Variants in ZNF787 observed in about 807,000 individuals in gnomAD.
ZNF787 encodes the protein zinc finger protein 787, also known as TTF-I-interacting peptide 20.
In ZNF787, 7 loss-of-function variants were observed where a neutral mutation model predicts 16.9. That is an observed-to-expected ratio of 0.42 (90% CI 0.24 to 0.78). The LOEUF (loss-of-function observed/expected upper bound fraction) is 0.78. Ranked by LOEUF, ZNF787 falls within the 30% of genes least tolerant of loss-of-function variation. ZNF787 has a pLI of 0.30. For synonymous variants in ZNF787, 345 were observed against 270.9 expected, an observed-to-expected ratio of 1.27 and a Z score of -2.69; for missense variants, 551 against 589.3, an observed-to-expected ratio of 0.94 and a Z score of 0.67.
chr19:56,092,041 CCGA>C (rs1240233454), intron 2 of ZNF787, among the ~76,000 whole-genome samples: 55 of 149,168 alleles, frequency 3.7e-4, no homozygotes, highest in African/African-American at 5.9e-4. Flanking sequence ...GAAGCCGAAG[CCGA>C]AGCCTCACCC....
At chr19:56,109,856 C>G (rs1040059113) in intron 1 of ZNF787, among the ~76,000 whole-genome samples, 17 of 152,048 alleles carry the variant, frequency 1.1e-4, no homozygotes, top group African/African-American at 4.1e-4. Context: ...TGCACTCCAG[C>G]CTGGGCGACA....
intron 1 of ZNF787, among the ~76,000 whole-genome samples, chr19:56,104,814 A>G (rs974607166): frequency 2.6e-5 from 4 of 152,380 alleles, no homozygotes; most frequent in South Asian, 4.1e-4. Flanking sequence ...TGAAGGGTTC[A>G]TACCCAGATC....
intron 1 of ZNF787, among the ~76,000 whole-genome samples, chr19:56,112,566 C>A (rs1389622947): frequency 6.6e-6 from 1 of 150,486 alleles, no homozygotes; most frequent in Non-Finnish European, 1.5e-5. Flanking sequence ...CCTCCCCCCG[C>A]ACTCTCGGAA....
intron 1 of ZNF787, among the ~76,000 whole-genome samples, chr19:56,113,399 C>G (rs910936144): frequency 5.3e-5 from 8 of 152,228 alleles, no homozygotes; most frequent in Non-Finnish European, 1.2e-4. Flanking sequence ...ATGCGTCCGT[C>G]CACGCAAAAA....
chr19:56,107,522 C>A (rs1482316436), intron 1 of ZNF787, among the ~76,000 whole-genome samples: 1 of 138,862 alleles, frequency 7.2e-6, no homozygotes, highest in East Asian at 1.9e-4. Flanking sequence ...ACAATGGGGT[C>A]ACTGGGAGAA....
chr19:56,091,947 C>CGAAACCGAAACCG (rs57458138), intron 2 of ZNF787, among the ~76,000 whole-genome samples: 252 of 149,446 alleles, frequency 1.7e-3, no homozygotes, highest in Middle Eastern at 6.9e-3. Context: ...AAGCCAAAGC[C>CGAAACCGAAACCG]AAAGCCGAAA....
At chr19:56,096,593 A>C (rs1180987064) in intron 2 of ZNF787, among the ~76,000 whole-genome samples, 1 of 148,072 alleles carries the variant, frequency 6.8e-6, no homozygotes. Context: ...GGTGCCTGTA[A>C]TCCCAGCTAC....
intron 1 of ZNF787, among the ~76,000 whole-genome samples, chr19:56,104,858 G>C (rs1220516028): frequency 6.6e-6 from 1 of 152,230 alleles, no homozygotes; most frequent in African/African-American, 2.4e-5. Context: ...GCTGGATGCG[G>C]TGGCTCCCAC....
intron 1 of ZNF787, among the ~76,000 whole-genome samples, chr19:56,113,372 T>C (rs923592629): frequency 1.3e-5 from 2 of 152,212 alleles, no homozygotes; most frequent in African/African-American, 4.8e-5. Flanking sequence ...CTCCTTAGTA[T>C]AGACCCGAGA....
At position 56,096,836 on chromosome 19, in the gene ZNF787, A is replaced by C. The variant is rs148419753; in HGVS notation, c.79+6303T>G. On this transcript the variant is annotated intron_variant, in intron 2 of 2. Coordinates refer to ENST00000610935, the MANE Select transcript of ZNF787 (RefSeq NM_001002836.4). ...ACTCCAGCTGTAAGACACCGGCTGA[A>C]GCTTTCCTGTTGGCACCGCTCCCTC... 1.2e-4 allele frequency among the ~76,000 whole-genome samples: 19 copies of C among 152,326 alleles called. No individual in the cohort carries two copies. The East Asian group carries it at 3.7e-3, about 29-fold the overall frequency.
At chr19:56,113,695 AGG>A (rs60949517) in intron 1 of ZNF787, among the ~76,000 whole-genome samples, 107,963 of 133,824 alleles carry the variant, frequency 0.81, 42,809 homozygotes, top group South Asian at 0.94. Context: ...GGACGCAGGG[AGG>A]CAGGGAGGCA....
intron 1 of ZNF787, among the ~76,000 whole-genome samples, chr19:56,111,175 C>T (rs1368319192): frequency 6.6e-6 from 1 of 151,954 alleles, no homozygotes; most frequent in African/African-American, 2.4e-5. Flanking sequence ...ATGAGGGTGC[C>T]GGCGTTTGGG....
intron 1 of ZNF787, among the ~76,000 whole-genome samples, chr19:56,109,086 C>T (rs1403653757): frequency 6.6e-6 from 1 of 152,170 alleles, no homozygotes; most frequent in Non-Finnish European, 1.5e-5. Flanking sequence ...GGCACCCCTC[C>T]CACGCCCAAC....
chr19:56,104,986 G>A (rs966557692), intron 1 of ZNF787, among the ~76,000 whole-genome samples: 5 of 152,148 alleles, frequency 3.3e-5, no homozygotes, highest in African/African-American at 1.2e-4. Flanking sequence ...AAATTAGCCA[G>A]GCCTGGTGGC....
chr19:56,091,744 T>C (rs1671358470), intron 2 of ZNF787, among the ~76,000 whole-genome samples: 1 of 152,208 alleles, frequency 6.6e-6, no homozygotes, highest in Admixed American at 6.5e-5. Context: ...AAGGCAGGGC[T>C]CTTTTACATC....
rs1391255867 is a variant in ZNF787, at chr19:56,112,745, TC to T, written c.-11+8426del. 9.2e-5 allele frequency among the ~76,000 whole-genome samples: 14 copies of T among 151,538 alleles called. No individual in the cohort carries two copies. In the East Asian group the frequency reaches 2.6e-3, roughly 28 times the overall value. ...TCCTCCAACCACTGGGCTAACACCC[TC>T]TCTGACTTTTCACCAAATCCTGTGG... On this transcript the variant is annotated intron_variant, in intron 1 of 2. Transcript: ENST00000610935.
intron 1 of ZNF787, among the ~76,000 whole-genome samples, chr19:56,115,179 GA>G (rs773599214): frequency 3.2e-4 from 49 of 152,128 alleles, no homozygotes; most frequent in Non-Finnish European, 5.9e-4. Context: ...ATTCTACAGT[GA>G]CTGGTCTGCG....
At chr19:56,101,413 G>A (rs1454729985) in intron 2 of ZNF787, among the ~76,000 whole-genome samples, 3 of 152,270 alleles carry the variant, frequency 2.0e-5, no homozygotes, top group East Asian at 1.9e-4. Flanking sequence ...TCCCACAGAC[G>A]CAGGGCCAGG....
intron 2 of ZNF787, among the ~76,000 whole-genome samples, chr19:56,094,781 G>T (rs8102375): frequency 0.026 from 3,985 of 152,136 alleles, 177 homozygotes; most frequent in African/African-American, 0.091. Context: ...ATGGTTCAGG[G>T]ATGAAACTGT....
Sources: allele counts gnomAD v4.1 joint callset (sites outside exome capture counted in the v4.1 genomes callset), GRCh38; gene constraint gnomAD v4.1.1; transcripts MANE v1.5; gene names NCBI Gene and HGNC (gene_info 2026-07-23, HGNC 2026-07-21).